The following RMND5B variants were observed in gnomAD, a reference collection of about 807,000 sequenced individuals.
RMND5B encodes the protein E3 ubiquitin-protein transferase RMND5B.
RMND5B carries 42 observed loss-of-function variants against 50.4 expected under a neutral mutation model. That is an observed-to-expected ratio of 0.83 (90% CI 0.65 to 1.08). The LOEUF is 1.08. RMND5B is among the 50% of genes least tolerant of loss of function. The probability of loss-of-function intolerance (pLI) is 0.00; values close to 1 mark genes in which losing one functional copy is unlikely to be tolerated. For synonymous variants in RMND5B, 220 were observed against 210.0 expected (o/e 1.05, Z -0.41); for missense variants, 463 against 508.5 (o/e 0.91, Z 0.86).
chr5:178,139,151 A>C (rs1301540769), intron 3 of RMND5B, among the ~76,000 whole-genome samples: 16 of 152,270 alleles, frequency 1.1e-4, no homozygotes, highest in Admixed American at 3.3e-4. Context: ...CAAAATAAAT[A>C]AATCAATCCA....
chr5:178,143,106 A>AAT, intron 5 of RMND5B, 114 bp downstream of exon 5: 2 of 1,246,760 alleles, frequency 1.6e-6, no homozygotes, highest in Non-Finnish European at 2.2e-6. Flanking sequence ...AAAGGAAATC[A>AAT]GCACCTCTGC....
At chr5:178,140,442 TGC>T (rs1268906276) in intron 3 of RMND5B, among the ~76,000 whole-genome samples, 2 of 151,824 alleles carry the variant, frequency 1.3e-5, no homozygotes, top group African/African-American at 4.8e-5. Flanking sequence ...CCTCCCAAAG[TGC>T]TGGGATTATG....
chr5:178,138,518 A>C lies in RMND5B; in HGVS notation c.139+260A>C. The C allele has an allele frequency of 2.7e-6, 1 of 363,796 alleles. No homozygotes were observed. Among genetic ancestry groups the C allele is most frequent in the Non-Finnish European group, 4.0e-6 (1 of 248,778 alleles). The allele number at this position is 363,796 out of a possible 1,614,324, so 22.5% of individuals were successfully genotyped here. On this transcript the variant is annotated intron_variant, in intron 3 of 10. Coordinates refer to ENST00000313386, the MANE Select transcript of RMND5B (RefSeq NM_022762.5). This position sits in a 1 kb window ranked among gnomAD's most constrained non-coding sequence, Gnocchi z 5.1. ...ATTTTTAACTTTTTTTCATTTTATA[A>C]TTGTGTGTGTGTGTGTGTGTGTGTG...
At chr5:178,145,413 G>T (rs1205854381) in intron 7 of RMND5B, among the ~76,000 whole-genome samples, 1 of 151,110 alleles carries the variant, frequency 6.6e-6, no homozygotes, top group African/African-American at 2.4e-5. Context: ...TTGAACCCGG[G>T]AAGCGGAGGC....
intron 2 of RMND5B, among the ~76,000 whole-genome samples, chr5:178,136,976 CCAGTGACCAAAACTGAAATAGA>C (rs1758651429): frequency 6.6e-6 from 1 of 151,922 alleles, no homozygotes; most frequent in Admixed American, 6.6e-5. Flanking sequence ...GGAGGCAGGC[CCAGTGACCAAAACTGAAATAGA>C]AGGGTGCAAA....
intron 2 of RMND5B, among the ~76,000 whole-genome samples, chr5:178,136,459 C>A (rs190793991): frequency 9.9e-5 from 15 of 152,208 alleles, no homozygotes; most frequent in African/African-American, 3.6e-4. Flanking sequence ...AGCTTCTGGA[C>A]TCTCTGACTA....
At chr5:178,142,360 A>G in intron 3 of RMND5B, 1 of 534,316 alleles carries the variant, frequency 1.9e-6, no homozygotes, top group Non-Finnish European at 3.3e-6. Context: ...ACAGATGAGG[A>G]AATGAAGGCT....
chr5:178,149,467 A>C lies in RMND5B; in HGVS notation c.*1435A>C, dbSNP rs775624576. ...AACACCCACAGACTCACCACATTTT[A>C]GTCTTAGCATTTACTTTCCCCACCC... is the stretch of plus-strand genomic sequence containing the variant. On this transcript the variant is annotated 3_prime_UTR_variant, in exon 11 of 11. Transcript: ENST00000313386. The C allele has an allele frequency of 1.0e-5, 5 of 479,594 alleles. No individual in the cohort carries two copies. The highest frequency in any genetic ancestry group is 1.9e-5 in the Non-Finnish European group (5 of 258,504). 29.7% of individuals were successfully genotyped at this position (479,594 alleles called of 1,614,324 possible).
rs7446073 is a variant in RMND5B, at chr5:178,150,137, T to C, written c.*2105T>C. On this transcript the variant is annotated 3_prime_UTR_variant, in exon 11 of 11. Coordinates refer to ENST00000313386, the MANE Select transcript of RMND5B (RefSeq NM_022762.5). The stretch of plus-strand genomic sequence containing the variant: ...TCCTGTGCCTCAGATCTGGCCCCTG[T>C]TACGTAAGATAAGGACAGCTACAGG... 0.52 allele frequency: 159,156 copies of C among 307,510 alleles called. 44,116 individuals are homozygous for C. Among genetic ancestry groups the C allele is most frequent in the East Asian group, 0.85 (10,551 of 12,484 alleles). 19.0% of individuals were successfully genotyped at this position (307,510 alleles called of 1,614,324 possible).
At position 178,143,729 on chromosome 5, in the gene RMND5B, TAAG is replaced by T; in HGVS notation, c.527+3_527+5del. 1.2e-6 allele frequency: 2 copies of T among 1,610,102 alleles called. No individual in the cohort carries two copies. Among genetic ancestry groups the T allele is most frequent in the Non-Finnish European group, 1.7e-6 (2 of 1,176,404 alleles). On this transcript the variant is annotated splice_donor_5th_base_variant and intron_variant, in intron 6 of 10. Transcript: ENST00000313386. ...ACAAGACCTGGGTCCTGCGTTGGAG[TAAG>T]GAGGCCCTTGGGTGGGCCAGCAGCA...
intron 2 of RMND5B, among the ~76,000 whole-genome samples, chr5:178,132,693 C>T (rs1758380347): frequency 1.4e-5 from 2 of 143,786 alleles, no homozygotes; most frequent in Non-Finnish European, 1.5e-5. Flanking sequence ...CTGATTGTAC[C>T]ACAGCACTCT....
chr5:178,139,458 C>G (rs142995403), intron 3 of RMND5B, among the ~76,000 whole-genome samples: 1 of 151,654 alleles, frequency 6.6e-6, no homozygotes, highest in Non-Finnish European at 1.5e-5. Flanking sequence ...CTGCCTGCCT[C>G]GGTCTCCCAA....
At position 178,138,037 on chromosome 5, in the gene RMND5B, G is replaced by C; in HGVS notation, c.-12-71G>C. 7.3e-7 allele frequency: 1 copy of C among 1,375,562 alleles called. No individual in the cohort carries two copies. Among genetic ancestry groups the C allele is most frequent in the Non-Finnish European group, 9.9e-7 (1 of 1,007,824 alleles). The allele number at this position is 1,375,562 out of a possible 1,614,324, so 85.2% of individuals were successfully genotyped here. ...GGGAATGGTGAGAGGGATCTGAAGA[G>C]GTGGTCTGGGCACCCTGCCTGCCAT... On this transcript the variant is annotated intron_variant, in intron 2 of 10. Coordinates refer to ENST00000313386, the MANE Select transcript of RMND5B (RefSeq NM_022762.5). The surrounding 1 kb of genome is among the most constrained non-coding windows in gnomAD (Gnocchi z 5.1).
In RMND5B at chr5:178,147,738, GA is replaced by G; in HGVS notation, c.975del (p.Glu325AspfsTer2). ...TCGCTGCCCTTCCCAGATTGAGATT[GA>G]ACTAGGCATGAAGTGCTGGTACCAC... ...NHKDELPIEIELGMKCWYHSV... is the reference protein window; with the variant it reads ...NHKDELPIEIXLGMKCWYHSV... On this transcript the variant is annotated frameshift_variant, in exon 10 of 11. Transcript: ENST00000313386. LOFTEE classifies it high-confidence loss of function. 6.2e-7 allele frequency: 1 copy of G among 1,614,178 alleles called. No homozygotes were observed. The highest frequency in any genetic ancestry group is 8.5e-7 in the Non-Finnish European group (1 of 1,180,036).
chr5:178,131,879 A>T (rs1758329467), intron 2 of RMND5B, among the ~76,000 whole-genome samples: 1 of 151,634 alleles, frequency 6.6e-6, no homozygotes, highest in African/African-American at 2.4e-5. Flanking sequence ...ATGAGGTCGG[A>T]TAATTGGGGT....
chr5:178,142,570 A>G lies in RMND5B; in HGVS notation c.140-13A>G, dbSNP rs565567791. ...TCTGCCTCCTCTGTGTCCTTATTCC[A>G]CTTTCTCTGCAGCCCTCCAGGGGAC... is the stretch of plus-strand genomic sequence containing the variant. On this transcript the variant is annotated splice_polypyrimidine_tract_variant and intron_variant, in intron 3 of 10. Transcript: ENST00000313386. 1.1e-5 allele frequency: 18 copies of G among 1,601,906 alleles called. No homozygotes were observed. The East Asian group carries it at 3.8e-4, about 34-fold the overall frequency.
chr5:178,136,918 TGAG>T (rs1758648411), intron 2 of RMND5B, among the ~76,000 whole-genome samples: 1 of 151,824 alleles, frequency 6.6e-6, no homozygotes, highest in Non-Finnish European at 1.5e-5. Context: ...AATGGTATAA[TGAG>T]GAGGGAAGGT....
At position 178,150,188 on chromosome 5, in the gene RMND5B, C is replaced by T. The variant is rs1465635930; in HGVS notation, c.*2156C>T. On this transcript the variant is annotated 3_prime_UTR_variant, in exon 11 of 11. Coordinates refer to ENST00000313386, the MANE Select transcript of RMND5B (RefSeq NM_022762.5). ...TCCCTCTGAGCCTAAACCCACCTAA[C>T]CGGACTAACATGGGTGAAGCATCTT... 2 of 239,850 alleles carry T rather than the reference C, an allele frequency of 8.3e-6. No homozygotes were observed. The highest frequency in any genetic ancestry group is 1.7e-5 in the Non-Finnish European group (2 of 120,692). The allele number at this position is 239,850 out of a possible 1,614,324, so 14.9% of individuals were successfully genotyped here.
At position 178,147,821 on chromosome 5, in the gene RMND5B, C is replaced by T. The variant is rs200423663; in HGVS notation, c.1056C>T (p.Ile352=). 11 of 1,614,180 alleles carry T rather than the reference C, an allele frequency of 6.8e-6. No homozygotes were observed. Among genetic ancestry groups the T allele is most frequent in the South Asian group, 1.1e-5 (1 of 91,080 alleles). The change falls in exon 10 of 11, where the codon ATC becomes ATT. Residue 352 remains isoleucine (I), a synonymous_variant. Coordinates refer to ENST00000313386, the MANE Select transcript of RMND5B (RefSeq NM_022762.5). ...RQQTSDSNPP[I]KLICGHVISR... is the part of the protein sequence containing the mutation. ...AGACGTCAGATTCCAACCCTCCCAT[C>T]AAGCTCATCTGTGGCCATGTTATCT...
Sources: gnomAD v4.1 joint callset for allele counts (sites outside exome capture counted in the v4.1 genomes callset) on GRCh38, gnomAD v4.1.1 for gene constraint, Gnocchi (gnomAD v3.1) non-coding constraint, MANE v1.5 for transcripts, NCBI Gene and HGNC (gene_info 2026-07-23, HGNC 2026-07-21) for gene names.